Variants in ST6GALNAC5 observed in about 807,000 individuals in gnomAD.
The protein encoded by ST6GALNAC5 is ST6 N-acetylgalactosaminide alpha-2,6-sialyltransferase 5.
A neutral mutation model predicts 33.6 loss-of-function variants in ST6GALNAC5; 27 were observed. The ratio of observed to expected loss-of-function variants is 0.80; its 90% CI spans 0.59 to 1.11. The LOEUF (loss-of-function observed/expected upper bound fraction) is 1.11, where lower values mean the gene tolerates loss of function less well. ST6GALNAC5 is among the 50% of genes least tolerant of loss of function. The pLI, the probability that ST6GALNAC5 is intolerant of heterozygous loss-of-function variation, is 0.00. For missense variants in ST6GALNAC5, 428 were observed against 454.0 expected (o/e 0.94, Z 0.52); for synonymous variants, 194 against 171.2 (o/e 1.13, Z -1.04).
chr1:77,023,794 G>T (rs749982987), intron 2 of ST6GALNAC5, among the ~76,000 whole-genome samples: 5 of 152,140 alleles, frequency 3.3e-5, no homozygotes, highest in Admixed American at 6.5e-5. Context: ...GGTCATTGTA[G>T]CGCCAACTAG....
chr1:76,984,793 A>C (rs1198430166), intron 2 of ST6GALNAC5, among the ~76,000 whole-genome samples: 1 of 152,228 alleles, frequency 6.6e-6, no homozygotes, highest in African/African-American at 2.4e-5. Context: ...CAAATACAAC[A>C]GCACATCAAA....
chr1:77,050,162 G>C (rs1652171611), intron 3 of ST6GALNAC5, 96 bp from the exon 4 acceptor site: 1 of 989,822 alleles, frequency 1.0e-6, no homozygotes, highest in African/African-American at 1.6e-5. Context: ...AGAGACTCTT[G>C]TTTATAGTTA....
At chr1:77,046,798 GTTGA>G (rs1446016125) in intron 3 of ST6GALNAC5, among the ~76,000 whole-genome samples, 3 of 152,102 alleles carry the variant, frequency 2.0e-5, no homozygotes, top group African/African-American at 7.2e-5. Context: ...TAGTTTAATG[GTTGA>G]TTGCTAAATA....
At position 77,044,485 on chromosome 1, in the gene ST6GALNAC5, C is replaced by T; in HGVS notation, c.543C>T (p.Gly181=). 6.2e-7 allele frequency: 1 copy of T among 1,613,378 alleles called. No individual in the cohort carries two copies. Among genetic ancestry groups the T allele is most frequent in the Non-Finnish European group, 8.5e-7 (1 of 1,179,784 alleles). ...CCAGCAGCTACATGCGGCGGGACGGCAAGGGCCAGGTCTACAACAACCTGC... is the reference window on the plus strand; with the variant it reads ...CCAGCAGCTACATGCGGCGGGACGGTAAGGGCCAGGTCTACAACAACCTGC... ...WGPSSYMRRD[G]KGQVYNNLHL... Residue 181 remains glycine (G), a synonymous_variant, in exon 3 of 5, where the codon GGC becomes GGT. Coordinates refer to ENST00000477717, the MANE Select transcript of ST6GALNAC5 (RefSeq NM_030965.3).
intron 2 of ST6GALNAC5, among the ~76,000 whole-genome samples, chr1:77,029,849 A>G (rs1015537938): frequency 3.9e-5 from 6 of 152,242 alleles, no homozygotes; most frequent in African/African-American, 4.8e-5. Flanking sequence ...ATTATTGTTG[A>G]AGGTTCCAAA....
intron 2 of ST6GALNAC5, among the ~76,000 whole-genome samples, chr1:76,933,061 A>G (rs1308464902): frequency 6.6e-6 from 1 of 152,034 alleles, no homozygotes; most frequent in Non-Finnish European, 1.5e-5. Context: ...CACACATTAT[A>G]TTTCTTAGAG....
At chr1:76,923,300 G>A (rs1445672616) in intron 2 of ST6GALNAC5, among the ~76,000 whole-genome samples, 1 of 151,172 alleles carries the variant, frequency 6.6e-6, no homozygotes, top group African/African-American at 2.4e-5. Context: ...AAAGGAGTGA[G>A]TGGACAATCA....
chr1:77,048,831 G>A (rs1401939203), intron 3 of ST6GALNAC5, among the ~76,000 whole-genome samples: 1 of 152,188 alleles, frequency 6.6e-6, no homozygotes, highest in Non-Finnish European at 1.5e-5. Context: ...AAGTAGCCCA[G>A]GGGACAGAGA....
intron 2 of ST6GALNAC5, among the ~76,000 whole-genome samples, chr1:77,028,708 G>T (rs913983099): frequency 2.6e-5 from 4 of 152,222 alleles, no homozygotes; most frequent in African/African-American, 7.2e-5. Flanking sequence ...CTCCTCTACA[G>T]ATTAGCTTAT....
At chr1:77,038,451 T>C (rs1651728887) in intron 2 of ST6GALNAC5, among the ~76,000 whole-genome samples, 1 of 152,218 alleles carries the variant, frequency 6.6e-6, no homozygotes, top group Non-Finnish European at 1.5e-5. Flanking sequence ...TTATGTTTGC[T>C]CCAGACTAAC....
intron 2 of ST6GALNAC5, among the ~76,000 whole-genome samples, chr1:76,982,391 A>T (rs763735804): frequency 3.9e-4 from 59 of 152,244 alleles, no homozygotes; most frequent in Non-Finnish European, 3.4e-4. Context: ...AGCTGAATCA[A>T]TCAAGTGGAA....
At chr1:76,931,818 T>C (rs762112705) in intron 2 of ST6GALNAC5, among the ~76,000 whole-genome samples, 4 of 152,062 alleles carry the variant, frequency 2.6e-5, no homozygotes, top group Non-Finnish European at 5.9e-5. Context: ...TGATCATCTG[T>C]AGACATTAAA....
At chr1:77,037,264 C>A (rs1472805550) in intron 2 of ST6GALNAC5, among the ~76,000 whole-genome samples, 2 of 152,154 alleles carry the variant, frequency 1.3e-5, no homozygotes, top group Non-Finnish European at 2.9e-5. Context: ...ATGGATACAG[C>A]TGGAGGCCAT....
intron 2 of ST6GALNAC5, among the ~76,000 whole-genome samples, chr1:76,931,315 C>T (rs968539502): frequency 6.6e-6 from 1 of 152,128 alleles, no homozygotes; most frequent in African/African-American, 2.4e-5. Flanking sequence ...AAGACCCTAT[C>T]AGAGGACTAG....
intron 2 of ST6GALNAC5, among the ~76,000 whole-genome samples, chr1:76,983,770 T>G (rs1649361745): frequency 6.6e-6 from 1 of 152,142 alleles, no homozygotes; most frequent in Non-Finnish European, 1.5e-5. Flanking sequence ...AGTAAAGCAC[T>G]CCTCAGCAAA....
At chr1:76,906,749 A>G (rs995563149) in intron 2 of ST6GALNAC5, among the ~76,000 whole-genome samples, 1 of 152,118 alleles carries the variant, frequency 6.6e-6, no homozygotes, top group African/African-American at 2.4e-5. Flanking sequence ...ATATTTGTCT[A>G]TATCTCAACT....
In ST6GALNAC5 at chr1:76,940,194, C is replaced by T. The variant is rs537435342; in HGVS notation, c.261+71452C>T. On this transcript the variant is annotated intron_variant, in intron 2 of 4. Coordinates refer to ENST00000477717, the MANE Select transcript of ST6GALNAC5 (RefSeq NM_030965.3). ...GACTCTAAGTAGCAGAAGATATGGC[C>T]GGGGCGAGCAGATAGATGTTAGAGA... 2.6e-5 allele frequency among the ~76,000 whole-genome samples: 4 copies of T among 152,042 alleles called. No homozygotes were observed. In the South Asian group the frequency reaches 6.2e-4, roughly 24 times the overall value.
chr1:76,973,794 C>T (rs1168856639), intron 2 of ST6GALNAC5, among the ~76,000 whole-genome samples: 3 of 152,056 alleles, frequency 2.0e-5, no homozygotes, highest in African/African-American at 4.8e-5. Flanking sequence ...ACTCAATTGT[C>T]CAAATATTGT....
At chr1:77,052,175 C>G (rs956990114) in intron 4 of ST6GALNAC5, among the ~76,000 whole-genome samples, 10 of 152,214 alleles carry the variant, frequency 6.6e-5, no homozygotes, top group Non-Finnish European at 1.2e-4. Context: ...AGCAAGAACT[C>G]TTCAAAAGGA....
Sources: gnomAD v4.1 joint callset for allele counts (sites outside exome capture counted in the v4.1 genomes callset) on GRCh38, gnomAD v4.1.1 for gene constraint, MANE v1.5 for transcripts, NCBI Gene and HGNC (gene_info 2026-07-23, HGNC 2026-07-21) for gene names.